The following E2F5 variants were observed in gnomAD, a reference collection of about 807,000 sequenced individuals.
E2F5 encodes E2F transcription factor 5.
Under a neutral mutation model 39.1 loss-of-function variants are expected in E2F5, and 23 were observed. That is an observed-to-expected ratio of 0.59 (90% CI 0.42 to 0.83). The LOEUF (loss-of-function observed/expected upper bound fraction) is 0.83, where lower values mean the gene tolerates loss of function less well. E2F5 is among the 40% of genes least tolerant of loss of function. The probability of loss-of-function intolerance (pLI) is 0.00; values close to 1 mark genes in which losing one functional copy is unlikely to be tolerated. For missense variants in E2F5, 365 were observed against 406.7 expected (o/e 0.90, Z 0.88); for synonymous variants, 145 against 157.8 (o/e 0.92, Z 0.61).
intron 5 of E2F5, among the ~76,000 whole-genome samples, chr8:85,208,537 A>T (rs1327233901): frequency 2.0e-5 from 3 of 152,214 alleles, no homozygotes; most frequent in Non-Finnish European, 1.5e-5. Context: ...CTAATTTGAA[A>T]GCAATAACCA....
intron 3 of E2F5, among the ~76,000 whole-genome samples, chr8:85,203,661 C>T (rs1013658040): frequency 2.6e-5 from 4 of 151,442 alleles, no homozygotes; most frequent in African/African-American, 9.7e-5. Context: ...GAAAATTTTT[C>T]GTTTAAAGAT....
In E2F5 at chr8:85,207,473, T is replaced by G; in HGVS notation, c.599T>G (p.Val200Gly). The G allele has an allele frequency of 1.3e-6, 2 of 1,560,628 alleles. No homozygotes were observed. Among genetic ancestry groups the G allele is most frequent in the Non-Finnish European group, 1.7e-6 (2 of 1,151,146 alleles). ...IQAPSGTQLE[V>G]PIPEMGQNGQ... ...GCACCTTCTGGTACACAACTGGAGGTACCCATTCCAGAAATGGTATGTAGG... is the reference window on the plus strand; with the variant it reads ...GCACCTTCTGGTACACAACTGGAGGGACCCATTCCAGAAATGGTATGTAGG... Residue 200 changes from valine to glycine, a missense_variant, in exon 5 of 8, where the codon GTA becomes GGA. By Grantham distance (109) the Val-to-Gly change is moderately radical (BLOSUM62 -3). Transcript: ENST00000416274.
At chr8:85,207,628 C>A in intron 5 of E2F5, 139 bp downstream of exon 5, 1 of 599,418 alleles carries the variant, frequency 1.7e-6, no homozygotes. Context: ...GTATTGATAG[C>A]TGAATTTGTA....
At position 85,214,261 on chromosome 8, in the gene E2F5, A is replaced by G; in HGVS notation, c.*399A>G. 2 of 560,554 alleles carry G rather than the reference A, an allele frequency of 3.6e-6. No homozygotes were observed. Among genetic ancestry groups the G allele is most frequent in the Non-Finnish European group, 6.7e-6 (2 of 300,018 alleles). The allele number at this position is 560,554 out of a possible 1,614,324, so 34.7% of individuals were successfully genotyped here. On this transcript the variant is annotated 3_prime_UTR_variant, in exon 8 of 8. Transcript: ENST00000416274. ...GCCACTAAACTGCCTGTATTTCTGT[A>G]TGTCCTTCTATCCAAACAGACGTTC...
intron 1 of E2F5, among the ~76,000 whole-genome samples, chr8:85,188,751 A>G (rs1812398862): frequency 6.6e-6 from 1 of 152,116 alleles, no homozygotes; most frequent in South Asian, 2.1e-4. Flanking sequence ...AGCCTGGAAC[A>G]TGGGGTTGTG....
At chr8:85,186,337 C>T (rs951752236) in intron 1 of E2F5, among the ~76,000 whole-genome samples, 2 of 151,886 alleles carry the variant, frequency 1.3e-5, no homozygotes, top group African/African-American at 2.4e-5. Flanking sequence ...AGGGGAACAT[C>T]ACACAGTGGG....
intron 1 of E2F5, among the ~76,000 whole-genome samples, chr8:85,181,834 G>A (rs1303542282): frequency 1.3e-5 from 2 of 150,910 alleles, no homozygotes; most frequent in East Asian, 2.0e-4. Flanking sequence ...TCGTGGAGGC[G>A]CCTGTAATCC....
Position 85,177,568 on chromosome 8 carries a change from A to T in E2F5, c.148A>T (p.Arg50Trp). 2 of 1,276,186 alleles carry T rather than the reference A, an allele frequency of 1.6e-6. No homozygotes were observed. The highest frequency in any genetic ancestry group is 2.0e-6 in the Non-Finnish European group (2 of 1,008,696). 79.1% of individuals were successfully genotyped at this position (1,276,186 alleles called of 1,614,324 possible). Residue 50 changes from arginine (R) to tryptophan (W), a missense_variant, in exon 1 of 8, where the codon AGG (arginine) becomes TGG (tryptophan). Physicochemically the swap from Arg to Trp is moderately radical, Grantham distance 101 (BLOSUM62 -3). Transcript: ENST00000416274. The stretch of plus-strand genomic sequence containing the variant: ...CGGGGGCGCCGGGGGCGGCAGCAGC[A>T]GGCACGAGAAGAGCCTGGGGCTGCT... ...QLGGAGGGSS[R>W]HEKSLGLLTT...
chr8:85,202,343 C>A, intron 2 of E2F5, 87 bp downstream of exon 2: 2 of 956,488 alleles, frequency 2.1e-6, no homozygotes, highest in South Asian at 1.7e-5. Context: ...TTCTATCTCC[C>A]AAATCCTCTA....
intron 6 of E2F5, 24 bp from the exon 7 acceptor site, chr8:85,212,133 A>G (rs1221552653): frequency 6.3e-7 from 1 of 1,585,746 alleles, no homozygotes; most frequent in Admixed American, 1.7e-5. Flanking sequence ...CAGAAATATA[A>G]CAAAACTTTA....
intron 1 of E2F5, among the ~76,000 whole-genome samples, chr8:85,186,498 G>GGT (rs1812336583): frequency 6.6e-6 from 1 of 150,576 alleles, no homozygotes; most frequent in Non-Finnish European, 1.5e-5. Flanking sequence ...CAGAACTTAA[G>GGT]GTGTGTGTAT....
At chr8:85,210,289 C>T (rs1812887628) in intron 6 of E2F5, among the ~76,000 whole-genome samples, 1 of 152,166 alleles carries the variant, frequency 6.6e-6, no homozygotes, top group Non-Finnish European at 1.5e-5. Context: ...TATAACTGGA[C>T]ATGGAATGTT....
chr8:85,211,647 T>A (rs1404898855), intron 6 of E2F5, among the ~76,000 whole-genome samples: 1 of 131,378 alleles, frequency 7.6e-6, no homozygotes, highest in Non-Finnish European at 1.6e-5. Context: ...GTTGTTGTTT[T>A]TTTTTTTTTT....
At chr8:85,192,592 T>C (rs931593750) in intron 1 of E2F5, among the ~76,000 whole-genome samples, 1 of 152,160 alleles carries the variant, frequency 6.6e-6, no homozygotes, top group African/African-American at 2.4e-5. Context: ...CTACAGAGGA[T>C]GCAACAGGAC....
chr8:85,177,495 G>T lies in E2F5; in HGVS notation c.75G>T (p.Pro25=). ...AGGGGCAGGGCCAGCGGCCGCCGCC[G>T]CAGCCTCCGCAGGCGCAAGCCCCGC... ...AGQGQGQRPP[P]QPPQAQAPQP... The change falls in exon 1 of 8, where the codon CCG becomes CCT. Residue 25 remains proline (P), a synonymous_variant. Transcript: ENST00000416274. 2 of 1,060,302 alleles carry T rather than the reference G, an allele frequency of 1.9e-6. No individual in the cohort carries two copies. Among genetic ancestry groups the T allele is most frequent in the Non-Finnish European group, 2.3e-6 (2 of 880,684 alleles). 65.7% of individuals were successfully genotyped at this position (1,060,302 alleles called of 1,614,324 possible).
At chr8:85,182,613 T>TA (rs768270551) in intron 1 of E2F5, among the ~76,000 whole-genome samples, 1 of 152,228 alleles carries the variant, frequency 6.6e-6, no homozygotes, top group East Asian at 1.9e-4. Flanking sequence ...TATTCTGTAT[T>TA]ATTGCATAAA....
intron 5 of E2F5, 113 bp from the exon 6 acceptor site, chr8:85,209,029 G>T: frequency 9.3e-7 from 1 of 1,069,796 alleles, no homozygotes; most frequent in Non-Finnish European, 1.3e-6. Context: ...TGACTTTATT[G>T]TGTTATGTGA....
chr8:85,189,939 G>A (rs936905571), intron 1 of E2F5, among the ~76,000 whole-genome samples: 12 of 152,076 alleles, frequency 7.9e-5, no homozygotes, highest in Admixed American at 7.9e-4. Flanking sequence ...TGAGCCTTAC[G>A]CTTCAGGGAG....
At chr8:85,208,365 T>C (rs981760537) in intron 5 of E2F5, among the ~76,000 whole-genome samples, 1 of 152,194 alleles carries the variant, frequency 6.6e-6, no homozygotes, top group Admixed American at 6.5e-5. Context: ...ACAATTGATA[T>C]AAAAATTGCC....
Sources: gnomAD v4.1 joint callset for allele counts (sites outside exome capture counted in the v4.1 genomes callset) on GRCh38, gnomAD v4.1.1 for gene constraint, MANE v1.5 for transcripts, NCBI Gene and HGNC (gene_info 2026-07-23, HGNC 2026-07-21) for gene names.